RELN: variants seen among roughly 807,000 people sequenced by gnomAD.
The protein encoded by RELN is reelin.
RELN carries 108 observed loss-of-function variants against 427.6 expected under a neutral mutation model. The ratio of observed to expected loss-of-function variants is 0.25; its 90% CI spans 0.22 to 0.30. The LOEUF is 0.30. RELN is among the 10% of genes least tolerant of loss of function. The probability of loss-of-function intolerance (pLI) is 1.00; values close to 1 mark genes in which losing one functional copy is unlikely to be tolerated. For synonymous variants in RELN, 1,524 were observed against 1,513.4 expected (o/e 1.01, Z -0.16); for missense variants, 3,715 against 4,302.8 (o/e 0.86, Z 3.82).
intron 8 of RELN, among the ~76,000 whole-genome samples, chr7:103,721,282 C>G (rs1449574440): frequency 6.6e-6 from 1 of 150,680 alleles, no homozygotes; most frequent in Non-Finnish European, 1.5e-5. Context: ...TTCCCCAATT[C>G]TGTTACTCTT....
chr7:103,722,417 AG>A (rs1203220789), intron 8 of RELN, among the ~76,000 whole-genome samples: 2 of 152,150 alleles, frequency 1.3e-5, no homozygotes, highest in African/African-American at 4.8e-5. Context: ...AATGGTCAGG[AG>A]GGGGTTTCGC....
intron 1 of RELN, among the ~76,000 whole-genome samples, chr7:103,924,959 C>G (rs1232059612): frequency 6.6e-6 from 1 of 150,736 alleles, no homozygotes; most frequent in African/African-American, 2.4e-5. Context: ...CAAGCACTCT[C>G]TCTCTGACAC....
chr7:103,893,707 T>C (rs941777327), intron 2 of RELN, among the ~76,000 whole-genome samples: 3 of 152,176 alleles, frequency 2.0e-5, no homozygotes, highest in African/African-American at 7.2e-5. Flanking sequence ...CATTTTCCTT[T>C]GCAACCAAAG....
chr7:103,982,704 G>A (rs183417812), intron 1 of RELN, among the ~76,000 whole-genome samples: 28 of 152,094 alleles, frequency 1.8e-4, no homozygotes, highest in Admixed American at 1.8e-3. Context: ...GGACTAAGGT[G>A]ACCTTAGTCC....
intron 4 of RELN, among the ~76,000 whole-genome samples, chr7:103,774,871 C>T (rs1791699204): frequency 1.3e-5 from 2 of 152,096 alleles, no homozygotes; most frequent in South Asian, 2.1e-4. Flanking sequence ...CTGGGCTGTA[C>T]AGCATTTTTA....
rs764653055 is a variant in RELN, at chr7:103,989,093, C to T, written c.226+38G>A. Reference sequence around the variant, plus strand: ...TGAGAAAGGTGCGCTGGCGGGCGCACCCGGCGGCGGCGAGCGCGGAGGTGC... The same window carrying T: ...TGAGAAAGGTGCGCTGGCGGGCGCATCCGGCGGCGGCGAGCGCGGAGGTGC... On this transcript the variant is annotated intron_variant, in intron 1 of 64. Coordinates refer to ENST00000428762, the MANE Select transcript of RELN (RefSeq NM_005045.4). The surrounding 1 kb of genome is among the most constrained non-coding windows in gnomAD (Gnocchi z 4.9). 3 of 1,588,438 alleles carry T rather than the reference C, an allele frequency of 1.9e-6. No individual in the cohort carries two copies. The highest frequency in any genetic ancestry group is 2.6e-6 in the Non-Finnish European group (3 of 1,159,524).
In RELN at chr7:103,936,642, TAACTTTTCCCTCCCCC is replaced by T. The variant is rs375974030; in HGVS notation, c.227-19473_227-19458del. On this transcript the variant is annotated intron_variant, in intron 1 of 64. Transcript: ENST00000428762. ...ATGCCCTCATTGTTCTATCCACACTTAACTTTTCCCTCCCCCAACTTTTCCCTCCCCCAAGAAATCT... is the reference window on the plus strand; with the variant it reads ...ATGCCCTCATTGTTCTATCCACACTTAACTTTTCCCTCCCCCAAGAAATCT... Among the ~76,000 whole-genome samples the T allele has an allele frequency of 1.4e-3, 207 of 151,980 alleles. 1 individual carries two copies. Among genetic ancestry groups the T allele is most frequent in the African/African-American group, 4.7e-3 (193 of 41,420 alleles).
chr7:103,644,632 AT>A (rs1832761125), intron 16 of RELN, among the ~76,000 whole-genome samples: 1 of 151,774 alleles, frequency 6.6e-6, no homozygotes, highest in African/African-American at 2.4e-5. Flanking sequence ...ATAAGAGATT[AT>A]GTAAAATGTC....
chr7:103,589,943 T>C, intron 27 of RELN, 115 bp from the exon 28 acceptor site: 1 of 719,558 alleles, frequency 1.4e-6, no homozygotes, highest in Non-Finnish European at 2.5e-6. Flanking sequence ...GAATTTACAA[T>C]GATAGGAATT....
chr7:103,917,043 C>T (rs1474376593), intron 2 of RELN, 32 bp downstream of exon 2: 21 of 1,473,778 alleles, frequency 1.4e-5, no homozygotes, highest in Admixed American at 8.4e-5. Context: ...TATAAAATAC[C>T]CCCAAATTTC....
At chr7:103,492,805 G>GA (rs1828714914) in intron 57 of RELN, among the ~76,000 whole-genome samples, 2 of 152,132 alleles carry the variant, frequency 1.3e-5, no homozygotes, top group Non-Finnish European at 2.9e-5. Context: ...GGGTACATGC[G>GA]AGCTGCCCCT....
At chr7:103,539,448 G>T in intron 44 of RELN, 121 bp from the exon 45 acceptor site, 1 of 1,008,886 alleles carries the variant, frequency 9.9e-7, no homozygotes, top group Non-Finnish European at 1.5e-6. Flanking sequence ...AACTGGCACT[G>T]GACGGCCAGC....
chr7:103,696,296 G>T (rs1833975016), intron 10 of RELN, among the ~76,000 whole-genome samples: 3 of 152,098 alleles, frequency 2.0e-5, no homozygotes, highest in African/African-American at 7.2e-5. Flanking sequence ...TATCACCTAA[G>T]TGCAATTTCA....
intron 22 of RELN, among the ~76,000 whole-genome samples, chr7:103,610,073 C>A (rs1831913873): frequency 1.3e-5 from 2 of 152,096 alleles, no homozygotes; most frequent in South Asian, 4.1e-4. Flanking sequence ...CATCCTGAAC[C>A]AGAAATCGTT....
chr7:103,681,256 G>T (rs1329194589), intron 11 of RELN, among the ~76,000 whole-genome samples: 1 of 152,058 alleles, frequency 6.6e-6, no homozygotes, highest in Non-Finnish European at 1.5e-5. Context: ...TGCCACTCAG[G>T]GACTTCGAAG....
At chr7:103,539,362 A>C in intron 44 of RELN, 35 bp from the exon 45 acceptor site, 4 of 1,603,728 alleles carry the variant, frequency 2.5e-6, no homozygotes, top group African/African-American at 1.3e-5. Context: ...CAAATTTTCC[A>C]TTTAGTTTTA....
At chr7:103,828,941 G>A (rs39355) in intron 3 of RELN, among the ~76,000 whole-genome samples, 57,733 of 151,616 alleles carry the variant, frequency 0.38, 11,311 homozygotes, top group Non-Finnish European at 0.42. Context: ...TAGACAAGTG[G>A]TCATTTTAAA....
chr7:103,532,695 C>T, intron 46 of RELN, among the ~76,000 whole-genome samples: 1 of 152,160 alleles, frequency 6.6e-6, no homozygotes, highest in East Asian at 1.9e-4. Context: ...TGGCTGCTAT[C>T]CTTGCTTGGA....
chr7:103,827,649 G>T (rs1793175449), intron 3 of RELN, among the ~76,000 whole-genome samples: 1 of 151,900 alleles, frequency 6.6e-6, no homozygotes, highest in South Asian at 2.1e-4. Context: ...AAAAACAGGG[G>T]CTTATGGGGA....
Sources: gnomAD v4.1 joint callset for allele counts (sites outside exome capture counted in the v4.1 genomes callset) on GRCh38, gnomAD v4.1.1 for gene constraint, Gnocchi (gnomAD v3.1) non-coding constraint, MANE v1.5 for transcripts, NCBI Gene and HGNC (gene_info 2026-07-23, HGNC 2026-07-21) for gene names.